The following DLG2 variants were observed in gnomAD, a reference collection of about 807,000 sequenced individuals.
DLG2 encodes disks large homolog 2.
DLG2 carries 45 observed loss-of-function variants against 132.5 expected under a neutral mutation model. That is an observed-to-expected ratio of 0.34 (90% confidence interval 0.27 to 0.44). The LOEUF (loss-of-function observed/expected upper bound fraction) is 0.44, where lower values mean the gene tolerates loss of function less well. Among genes scored for constraint, DLG2 ranks in the 20% least tolerant of loss-of-function variants. The pLI is 1.00. For missense variants in DLG2, 1,045 were observed against 1,196.9 expected (o/e 0.87, Z 1.87); for synonymous variants, 424 against 419.6 (o/e 1.01, Z -0.13).
intron 7 of DLG2, among the ~76,000 whole-genome samples, chr11:84,404,176 T>A (rs2098840512): frequency 1.3e-5 from 2 of 152,118 alleles, no homozygotes; most frequent in South Asian, 2.1e-4. Flanking sequence ...ACATGATATA[T>A]CTTGGTATGC....
chr11:84,789,237 C>T (rs1473449365), intron 6 of DLG2, among the ~76,000 whole-genome samples: 1 of 152,148 alleles, frequency 6.6e-6, no homozygotes, highest in Admixed American at 6.5e-5. Flanking sequence ...TATTTATCCT[C>T]CAGTTTCACC....
intron 7 of DLG2, among the ~76,000 whole-genome samples, chr11:84,520,161 T>C (rs962137854): frequency 1.3e-5 from 2 of 152,164 alleles, no homozygotes; most frequent in Non-Finnish European, 2.9e-5. Flanking sequence ...AACAAAAATT[T>C]TTTAACTTAC....
chr11:84,651,694 G>T (rs984057419), intron 6 of DLG2, among the ~76,000 whole-genome samples: 2 of 152,146 alleles, frequency 1.3e-5, no homozygotes, highest in East Asian at 3.9e-4. Context: ...ATGAGGCATT[G>T]GGAAATGTGT....
chr11:84,295,725 A>T (rs1177803972), intron 7 of DLG2, among the ~76,000 whole-genome samples: 1 of 151,964 alleles, frequency 6.6e-6, no homozygotes, highest in Admixed American at 6.6e-5. Context: ...CAACACACTC[A>T]CTCATTTTCT....
chr11:84,322,183 T>C (rs2098408605), intron 7 of DLG2, among the ~76,000 whole-genome samples: 1 of 152,218 alleles, frequency 6.6e-6, no homozygotes, highest in Admixed American at 6.5e-5. Flanking sequence ...GGTATTCTGG[T>C]CTGTGTTCTA....
In DLG2 at chr11:85,150,315, C is replaced by T. The variant is rs938037063; in HGVS notation, c.282+4241G>A. On this transcript the variant is annotated intron_variant, in intron 5 of 27. Coordinates refer to ENST00000376104, the MANE Select transcript of DLG2 (RefSeq NM_001142699.3). ...GATTACAGGCGTGAGCCACCGTGCC[C>T]GGCCTCCGTTTTTAAATTATTATTG... 5.9e-5 allele frequency among the ~76,000 whole-genome samples: 9 copies of T among 151,954 alleles called. No homozygotes were observed. The East Asian group carries it at 7.7e-4, about 13-fold the overall frequency.
chr11:84,477,764 A>T, intron 7 of DLG2, among the ~76,000 whole-genome samples: 1 of 152,214 alleles, frequency 6.6e-6, no homozygotes. Context: ...GAACATTGTC[A>T]TGTTAAATAG....
intron 7 of DLG2, among the ~76,000 whole-genome samples, chr11:84,400,270 T>C (rs897233668): frequency 3.9e-5 from 6 of 152,258 alleles, no homozygotes; most frequent in Admixed American, 3.9e-4. Context: ...CTTGATATAT[T>C]ACATCTACCC....
chr11:85,490,935 C>T (rs891734883), intron 3 of DLG2, among the ~76,000 whole-genome samples: 2 of 151,980 alleles, frequency 1.3e-5, no homozygotes, highest in African/African-American at 4.8e-5. Context: ...AGGCCGGTAC[C>T]ATCCTGATAC....
chr11:84,325,616 T>C (rs1296782897), intron 7 of DLG2, among the ~76,000 whole-genome samples: 1 of 152,228 alleles, frequency 6.6e-6, no homozygotes, highest in Non-Finnish European at 1.5e-5. Flanking sequence ...GGCCATGGTA[T>C]ATGATCTTTT....
intron 6 of DLG2, among the ~76,000 whole-genome samples, chr11:85,008,206 T>C (rs1481086563): frequency 6.6e-6 from 1 of 152,108 alleles, no homozygotes; most frequent in Non-Finnish European, 1.5e-5. Flanking sequence ...AATTTTAGGG[T>C]TAAAGATAAG....
intron 17 of DLG2, among the ~76,000 whole-genome samples, chr11:83,799,979 A>C (rs1419627957): frequency 6.6e-6 from 1 of 152,226 alleles, no homozygotes; most frequent in East Asian, 1.9e-4. Context: ...CTGTAAGGTT[A>C]GATTAGTTAA....
At chr11:83,593,252 C>T (rs1373622499) in intron 19 of DLG2, among the ~76,000 whole-genome samples, 1 of 147,764 alleles carries the variant, frequency 6.8e-6, no homozygotes, top group Non-Finnish European at 1.5e-5. Context: ...CCCAAATGTC[C>T]AACAATGATA....
At chr11:83,953,308 G>A (rs2085946433) in intron 14 of DLG2, among the ~76,000 whole-genome samples, 1 of 152,218 alleles carries the variant, frequency 6.6e-6, no homozygotes, top group East Asian at 1.9e-4. Context: ...CCACACAGCA[G>A]GAGGTGAGCA....
At chr11:83,579,523 C>T (rs563783265) in intron 19 of DLG2, among the ~76,000 whole-genome samples, 116 of 151,924 alleles carry the variant, frequency 7.6e-4, no homozygotes, top group Middle Eastern at 3.4e-3. Context: ...ATTTTATAGA[C>T]GTTTATTTTA....
At chr11:85,017,833 G>T (rs1240993735) in intron 6 of DLG2, among the ~76,000 whole-genome samples, 1 of 152,054 alleles carries the variant, frequency 6.6e-6, no homozygotes, top group Non-Finnish European at 1.5e-5. Context: ...CTCTCCTAGG[G>T]TCATCACCGT....
chr11:85,520,648 T>G (rs938717835), intron 3 of DLG2, among the ~76,000 whole-genome samples: 1 of 151,456 alleles, frequency 6.6e-6, no homozygotes, highest in Non-Finnish European at 1.5e-5. Flanking sequence ...AGCATGGTAT[T>G]GGCATAAAAA....
chr11:83,619,037 C>T (rs56240904), intron 19 of DLG2, among the ~76,000 whole-genome samples: 1,635 of 152,294 alleles, frequency 0.011, 12 homozygotes, highest in Non-Finnish European at 0.018. Flanking sequence ...TTAATACTCA[C>T]TGAAGAAAAA....
chr11:85,306,954 G>A (rs547704310), intron 3 of DLG2, among the ~76,000 whole-genome samples: 1 of 152,304 alleles, frequency 6.6e-6, no homozygotes, highest in African/African-American at 2.4e-5. Context: ...TTATGCTAAT[G>A]AAAGTTGTGA....
Sources: gnomAD v4.1 joint callset for allele counts (sites outside exome capture counted in the v4.1 genomes callset) on GRCh38, gnomAD v4.1.1 for gene constraint, MANE v1.5 for transcripts, NCBI Gene and HGNC (gene_info 2026-07-23, HGNC 2026-07-21) for gene names.